The following TTC28 variants were observed in gnomAD, a reference collection of about 807,000 sequenced individuals.
TTC28 encodes the protein tetratricopeptide repeat domain 28, also known as tetratricopeptide repeat protein 28.
In TTC28, 61 loss-of-function variants were observed where a neutral mutation model predicts 198.0. The ratio of observed to expected loss-of-function variants is 0.31; its 90% confidence interval spans 0.25 to 0.38. The LOEUF is 0.38. Among genes scored for constraint, TTC28 ranks in the 10% least tolerant of loss-of-function variants. TTC28 has a pLI of 1.00. For missense variants in TTC28, 2,678 were observed against 3,164.0 expected (o/e 0.85, Z 3.69); for synonymous variants, 1,171 against 1,297.8 (o/e 0.90, Z 2.10).
At chr22:28,199,369 A>T (rs1925673722) in intron 5 of TTC28, among the ~76,000 whole-genome samples, 1 of 139,964 alleles carries the variant, frequency 7.1e-6, no homozygotes. Context: ...GTATAATGCC[A>T]CTTACATTAA....
chr22:28,604,064 G>A (rs1332416234), intron 2 of TTC28, among the ~76,000 whole-genome samples: 2 of 151,830 alleles, frequency 1.3e-5, no homozygotes, highest in Non-Finnish European at 1.5e-5. Flanking sequence ...GATCACCTGA[G>A]TTCACGAGAT....
Position 28,559,665 on chromosome 22 carries a change from T to C in TTC28, c.381+69887A>G, listed in dbSNP as rs1441009152. On this transcript the variant is annotated intron_variant, in intron 2 of 22. Coordinates refer to ENST00000397906, the MANE Select transcript of TTC28 (RefSeq NM_001145418.2). ...TTTCTTCAGGACATAATCTTAGTAT[T>C]TGACACAACGGGTCATTCTCTCCTT... Among the ~76,000 whole-genome samples the C allele has an allele frequency of 4.6e-5, 7 of 152,344 alleles. 1 individual carries two copies. Among genetic ancestry groups the C allele is most frequent in the African/African-American group, 1.7e-4 (7 of 41,578 alleles).
intron 16 of TTC28, among the ~76,000 whole-genome samples, chr22:27,996,779 G>C (rs556421912): frequency 6.6e-6 from 1 of 152,268 alleles, no homozygotes; most frequent in East Asian, 1.9e-4. Context: ...GGGCCTGGGG[G>C]AGCAGGTTCT....
rs200071856 is a variant in TTC28 at position 28,130,186 on chromosome 22, C to CT, written c.1442-21784dup. ...TTTTACATTATAGTCTTTCCTTTCTCTTTTTTTTGCCATTAGTCAACATTT... is the reference window on the plus strand; with the variant it reads ...TTTTACATTATAGTCTTTCCTTTCTCTTTTTTTTTGCCATTAGTCAACATTT... On this transcript the variant is annotated intron_variant, in intron 6 of 22. Coordinates refer to ENST00000397906, the MANE Select transcript of TTC28 (RefSeq NM_001145418.2). Among the ~76,000 whole-genome samples the CT allele has an allele frequency of 6.8e-4, 103 of 151,974 alleles. No individual in the cohort carries two copies. In the East Asian group the frequency reaches 8.3e-3, roughly 12 times the overall value.
At chr22:28,049,111 T>C (rs1939979188) in intron 12 of TTC28, among the ~76,000 whole-genome samples, 1 of 152,152 alleles carries the variant, frequency 6.6e-6, no homozygotes, top group African/African-American at 2.4e-5. Context: ...CTCTGATCCT[T>C]ATAAGGGCTA....
intron 21 of TTC28, among the ~76,000 whole-genome samples, chr22:27,989,321 C>T (rs1377596623): frequency 6.6e-6 from 1 of 152,192 alleles, no homozygotes; most frequent in Non-Finnish European, 1.5e-5. Context: ...CAGAGGACAA[C>T]ACTGAAACCA....
chr22:28,561,328 G>A (rs896771803), intron 2 of TTC28, among the ~76,000 whole-genome samples: 4 of 151,426 alleles, frequency 2.6e-5, no homozygotes, highest in African/African-American at 9.7e-5. Flanking sequence ...CACCCACCTC[G>A]GCCTCCCAAA....
intron 12 of TTC28, among the ~76,000 whole-genome samples, chr22:28,035,517 G>T (rs1228569966): frequency 6.6e-6 from 1 of 152,152 alleles, no homozygotes; most frequent in Non-Finnish European, 1.5e-5. Context: ...CCTATGTTGC[G>T]GATTCTACAA....
intron 5 of TTC28, among the ~76,000 whole-genome samples, chr22:28,167,851 T>C (rs893033476): frequency 3.9e-4 from 59 of 152,208 alleles, no homozygotes; most frequent in African/African-American, 1.3e-3. Flanking sequence ...AAATAAAGGG[T>C]ATTCAATTAG....
At position 27,983,790 on chromosome 22, in the gene TTC28, A is replaced by G. The variant is rs554870235; in HGVS notation, c.5877T>C (p.Ala1959=). 2.7e-4 allele frequency: 415 copies of G among 1,551,762 alleles called. No homozygotes were observed. The highest frequency in any genetic ancestry group is 3.5e-4 in the Non-Finnish European group (398 of 1,147,014). The change falls in exon 23 of 23, where the codon GCT becomes GCC. Residue 1959 remains alanine, a synonymous_variant. Transcript: ENST00000397906. ...GGGCGTTGGAAACAGACTGAGCAGA[A>G]GCAAGAGACTCGAGGGAGGAGGAGC... ...LDSSSSLESL[A]SAQSVSNALP...
At chr22:28,627,878 A>G (rs1411115717) in intron 2 of TTC28, among the ~76,000 whole-genome samples, 1 of 152,112 alleles carries the variant, frequency 6.6e-6, no homozygotes, top group African/African-American at 2.4e-5. Flanking sequence ...AAGAAGACCT[A>G]TCAGAGTCAA....
chr22:28,215,978 A>G (rs1217807908), intron 5 of TTC28, among the ~76,000 whole-genome samples: 3 of 152,212 alleles, frequency 2.0e-5, no homozygotes, highest in African/African-American at 7.2e-5. Context: ...AGTACTGTGA[A>G]TGAAAAGCAT....
intron 2 of TTC28, among the ~76,000 whole-genome samples, chr22:28,533,943 A>C (rs2049203976): frequency 6.6e-6 from 1 of 152,222 alleles, no homozygotes; most frequent in South Asian, 2.1e-4. Flanking sequence ...GTTAGACCTA[A>C]AACCATAAAA....
chr22:28,537,293 A>AAAAATAAAATAACATAAAATAAAAT (rs1555889624), intron 2 of TTC28, among the ~76,000 whole-genome samples: 9 of 110,318 alleles, frequency 8.2e-5, no homozygotes, highest in Non-Finnish European at 1.0e-4. Flanking sequence ...ACTCCGTCTC[A>AAAAATAAAATAACATAAAATAAAAT]AAAATAAAAT....
chr22:28,059,891 C>T (rs564421314), intron 12 of TTC28, among the ~76,000 whole-genome samples: 39 of 136,544 alleles, frequency 2.9e-4, no homozygotes, highest in African/African-American at 9.3e-4. Flanking sequence ...GTATGATTAC[C>T]GTTTACATGG....
intron 2 of TTC28, among the ~76,000 whole-genome samples, chr22:28,481,041 T>C (rs1429550438): frequency 2.0e-5 from 3 of 152,158 alleles, no homozygotes; most frequent in Non-Finnish European, 4.4e-5. Flanking sequence ...CAAGTTCAAG[T>C]CTAATTCCAT....
At chr22:28,155,420 A>G (rs927115858) in intron 6 of TTC28, among the ~76,000 whole-genome samples, 1 of 152,234 alleles carries the variant, frequency 6.6e-6, no homozygotes, top group East Asian at 1.9e-4. Context: ...CATAGTTCCA[A>G]TGAACTTCAA....
chr22:28,149,406 G>A (rs911178841), intron 6 of TTC28, among the ~76,000 whole-genome samples: 3 of 152,200 alleles, frequency 2.0e-5, no homozygotes, highest in Non-Finnish European at 2.9e-5. Flanking sequence ...TATACACAAC[G>A]AAATACGAAA....
At chr22:28,287,819 A>G (rs1213841164) in intron 5 of TTC28, among the ~76,000 whole-genome samples, 1 of 152,174 alleles carries the variant, frequency 6.6e-6, no homozygotes, top group Admixed American at 6.5e-5. Flanking sequence ...TAACTCAAAG[A>G]GCTTATAGAA....
Sources: allele counts gnomAD v4.1 joint callset (sites outside exome capture counted in the v4.1 genomes callset), GRCh38; gene constraint gnomAD v4.1.1; transcripts MANE v1.5; gene names NCBI Gene and HGNC (gene_info 2026-07-23, HGNC 2026-07-21).